The following DLG2 variants were observed in gnomAD, a reference collection of about 807,000 sequenced individuals.
The protein encoded by DLG2 is discs large MAGUK scaffold protein 2.
In DLG2, 45 loss-of-function variants were observed where a neutral mutation model predicts 132.5. That is an observed-to-expected ratio of 0.34 (90% CI 0.27 to 0.44). The LOEUF (loss-of-function observed/expected upper bound fraction) is 0.44, where lower values mean the gene tolerates loss of function less well. DLG2 is among the 20% of genes least tolerant of loss of function. The pLI is 1.00. For synonymous variants in DLG2, 424 were observed against 419.6 expected (o/e 1.01, Z -0.13); for missense variants, 1,045 against 1,196.9 (o/e 0.87, Z 1.87).
chr11:84,707,117 T>A (rs2059867200), intron 6 of DLG2, among the ~76,000 whole-genome samples: 1 of 149,350 alleles, frequency 6.7e-6, no homozygotes, highest in South Asian at 2.1e-4. Context: ...TGAATGAGGG[T>A]CTGGCAACAT....
chr11:84,660,020 A>T (rs1241751154), intron 6 of DLG2, among the ~76,000 whole-genome samples: 1 of 152,050 alleles, frequency 6.6e-6, no homozygotes, highest in Non-Finnish European at 1.5e-5. Context: ...ACAAAATATT[A>T]CCAACCAGGA....
chr11:85,500,266 T>TGTGTAAAATCACAAG (rs1345056367), intron 3 of DLG2, among the ~76,000 whole-genome samples: 24 of 141,114 alleles, frequency 1.7e-4, no homozygotes, highest in African/African-American at 7.2e-4. Flanking sequence ...TACAAAATCA[T>TGTGTAAAATCACAAG]CATTCTCAGT....
chr11:85,492,559 G>C (rs1382103519), intron 3 of DLG2, among the ~76,000 whole-genome samples: 1 of 151,944 alleles, frequency 6.6e-6, no homozygotes, highest in African/African-American at 2.4e-5. Flanking sequence ...TAACATTTTT[G>C]TTTTGCTTTT....
At chr11:83,663,065 T>C (rs1257272367) in intron 18 of DLG2, among the ~76,000 whole-genome samples, 1 of 152,204 alleles carries the variant, frequency 6.6e-6, no homozygotes, top group Non-Finnish European at 1.5e-5. Flanking sequence ...TACCCTGAAT[T>C]ACATTGCTTT....
At chr11:83,959,200 A>G (rs2087799404) in intron 14 of DLG2, among the ~76,000 whole-genome samples, 1 of 152,126 alleles carries the variant, frequency 6.6e-6, no homozygotes, top group South Asian at 2.1e-4. Context: ...GCAGGTGTAC[A>G]TTTCTTTAAT....
intron 21 of DLG2, among the ~76,000 whole-genome samples, chr11:83,485,473 G>A (rs923290840): frequency 6.6e-6 from 1 of 152,068 alleles, no homozygotes; most frequent in Admixed American, 6.6e-5. Context: ...TGGCTCTGAG[G>A]GTCTTTCAGC....
At chr11:85,074,307 GAC>G (rs562195355) in intron 6 of DLG2, among the ~76,000 whole-genome samples, 135 of 151,894 alleles carry the variant, frequency 8.9e-4, no homozygotes, top group African/African-American at 2.9e-3. Flanking sequence ...AAACTTCTCA[GAC>G]ACACTTTCAC....
chr11:83,549,137 C>T (rs1449509753), intron 19 of DLG2, among the ~76,000 whole-genome samples: 4 of 152,072 alleles, frequency 2.6e-5, no homozygotes, highest in African/African-American at 9.7e-5. Flanking sequence ...TAGAGGAGAC[C>T]TGGTCCTCAC....
At chr11:84,526,438 GA>G (rs2099320685) in intron 7 of DLG2, among the ~76,000 whole-genome samples, 1 of 152,088 alleles carries the variant, frequency 6.6e-6, no homozygotes, top group Non-Finnish European at 1.5e-5. Flanking sequence ...CTAAGAGCAA[GA>G]AAAACAGCAA....
intron 3 of DLG2, among the ~76,000 whole-genome samples, chr11:85,484,186 G>A (rs1033072917): frequency 4.0e-5 from 6 of 151,572 alleles, no homozygotes; most frequent in Non-Finnish European, 7.4e-5. Flanking sequence ...ACCCGGTGGC[G>A]GATCTTTCCC....
At chr11:85,573,920 T>C (rs986219547) in intron 3 of DLG2, among the ~76,000 whole-genome samples, 1 of 152,142 alleles carries the variant, frequency 6.6e-6, no homozygotes, top group Non-Finnish European at 1.5e-5. Context: ...GAATCACATA[T>C]TGCTACTATT....
chr11:84,267,526 G>A (rs1329782777), intron 7 of DLG2, among the ~76,000 whole-genome samples: 1 of 152,174 alleles, frequency 6.6e-6, no homozygotes, highest in African/African-American at 2.4e-5. Flanking sequence ...TTCTGTGGCT[G>A]TGGGTATAGA....
chr11:84,661,125 G>A (rs1324430773), intron 6 of DLG2, among the ~76,000 whole-genome samples: 1 of 152,096 alleles, frequency 6.6e-6, no homozygotes, highest in Non-Finnish European at 1.5e-5. Flanking sequence ...AAAGTCACCT[G>A]CAATTTCTTC....
chr11:83,699,451 C>T lies in DLG2; in HGVS notation c.1826-66126G>A, dbSNP rs902318273. Reference sequence around the variant, plus strand: ...GTGGCTCACGCCTGTAATCGCAGCACTTTGGGAGGCTGAGGCAGGCGGATC... The same window carrying T: ...GTGGCTCACGCCTGTAATCGCAGCATTTTGGGAGGCTGAGGCAGGCGGATC... On this transcript the variant is annotated intron_variant, in intron 18 of 27. Coordinates refer to ENST00000376104, the MANE Select transcript of DLG2 (RefSeq NM_001142699.3). 2.0e-5 allele frequency among the ~76,000 whole-genome samples: 3 copies of T among 151,472 alleles called. No homozygotes were observed. The South Asian group carries it at 6.3e-4, about 32-fold the overall frequency.
chr11:84,640,939 C>CAAAA (rs1254921681), intron 6 of DLG2, among the ~76,000 whole-genome samples: 1 of 64,396 alleles, frequency 1.6e-5, no homozygotes, highest in African/African-American at 6.4e-5. Context: ...GACTCTGTCT[C>CAAAA]AAAACAAACA....
At chr11:83,782,811 TAGAA>T (rs1566945567) in intron 18 of DLG2, among the ~76,000 whole-genome samples, 2 of 152,046 alleles carry the variant, frequency 1.3e-5, no homozygotes, top group South Asian at 2.1e-4. Flanking sequence ...TCATATCTCT[TAGAA>T]AGATAATTCT....
chr11:84,717,178 T>C (rs1250393082), intron 6 of DLG2, among the ~76,000 whole-genome samples: 2 of 152,086 alleles, frequency 1.3e-5, no homozygotes, highest in African/African-American at 4.8e-5. Context: ...AAAATGGTTT[T>C]AGACTTTGCC....
chr11:84,017,317 G>A (rs2095239464), intron 11 of DLG2, among the ~76,000 whole-genome samples: 1 of 151,994 alleles, frequency 6.6e-6, no homozygotes, highest in Admixed American at 6.6e-5. Context: ...AACAAATAAA[G>A]AGAAGAATAA....
intron 5 of DLG2, among the ~76,000 whole-genome samples, chr11:85,143,938 C>T (rs1229115748): frequency 6.6e-6 from 1 of 151,748 alleles, no homozygotes; most frequent in Non-Finnish European, 1.5e-5. Flanking sequence ...ATCTATTAGG[C>T]CCATTTGGTT....
Sources: gnomAD v4.1 joint callset for allele counts (sites outside exome capture counted in the v4.1 genomes callset) on GRCh38, gnomAD v4.1.1 for gene constraint, MANE v1.5 for transcripts, NCBI Gene and HGNC (gene_info 2026-07-23, HGNC 2026-07-21) for gene names.